ZMAT4: variants seen among roughly 807,000 people sequenced by gnomAD.
ZMAT4 encodes zinc finger matrin-type 4, also known as zinc finger matrin-type protein 4.
Under a neutral mutation model 28.7 loss-of-function variants are expected in ZMAT4, and 17 were observed. The observed-to-expected ratio is 0.59, with a 90% CI of 0.41 to 0.89. ZMAT4 has a LOEUF of 0.89. ZMAT4 is among the 40% of genes least tolerant of loss of function. ZMAT4 has a pLI of 0.00. For synonymous variants in ZMAT4, 117 were observed against 109.2 expected (o/e 1.07, Z -0.44); for missense variants, 240 against 283.8 (o/e 0.85, Z 1.11).
intron 3 of ZMAT4, among the ~76,000 whole-genome samples, chr8:40,705,722 G>T (rs1047986203): frequency 6.6e-6 from 1 of 152,090 alleles, no homozygotes; most frequent in African/African-American, 2.4e-5. Context: ...AATAATTTTT[G>T]TGGCAAGAGC....
chr8:40,547,071 G>A (rs189410564), intron 6 of ZMAT4, among the ~76,000 whole-genome samples: 112 of 152,270 alleles, frequency 7.4e-4, no homozygotes, highest in Admixed American at 7.8e-4. Flanking sequence ...CTCCCATTTC[G>A]GAATGGCAAA....
chr8:40,681,180 A>G (rs1220999550), intron 4 of ZMAT4, among the ~76,000 whole-genome samples: 1 of 152,208 alleles, frequency 6.6e-6, no homozygotes, highest in Non-Finnish European at 1.5e-5. Context: ...GGACTCTAAG[A>G]CCAGCCCCAT....
chr8:40,729,985 C>A (rs986497115), intron 3 of ZMAT4, among the ~76,000 whole-genome samples: 1 of 152,072 alleles, frequency 6.6e-6, no homozygotes, highest in Non-Finnish European at 1.5e-5. Context: ...ATTTGAGTAA[C>A]CATAATTATG....
intron 1 of ZMAT4, among the ~76,000 whole-genome samples, chr8:40,833,033 T>A (rs1816343800): frequency 6.6e-6 from 1 of 152,154 alleles, no homozygotes. Context: ...GAAAAAACTC[T>A]TTGCTCTCTA....
chr8:40,829,259 A>G (rs1816187967), intron 1 of ZMAT4, among the ~76,000 whole-genome samples: 6 of 152,214 alleles, frequency 3.9e-5, no homozygotes, highest in Admixed American at 2.0e-4. Context: ...AGCACATTGC[A>G]AAGGCACATT....
At chr8:40,667,436 G>A (rs950098870) in intron 5 of ZMAT4, among the ~76,000 whole-genome samples, 3 of 152,252 alleles carry the variant, frequency 2.0e-5, no homozygotes, top group African/African-American at 7.2e-5. Flanking sequence ...TTACAGGTGT[G>A]AGCCACCGTG....
chr8:40,844,120 CAGG>C (rs1436021632), intron 1 of ZMAT4, among the ~76,000 whole-genome samples: 1 of 152,100 alleles, frequency 6.6e-6, no homozygotes, highest in African/African-American at 2.4e-5. Flanking sequence ...TGAAGAGTGA[CAGG>C]AGAAGAGAAT....
intron 4 of ZMAT4, among the ~76,000 whole-genome samples, chr8:40,691,102 T>A (rs1255893863): frequency 1.3e-5 from 2 of 152,200 alleles, no homozygotes; most frequent in African/African-American, 2.4e-5. Context: ...AGGGTTAGGT[T>A]CCTAGGAACT....
At chr8:40,870,532 G>C (rs1318028038) in intron 1 of ZMAT4, among the ~76,000 whole-genome samples, 1 of 152,186 alleles carries the variant, frequency 6.6e-6, no homozygotes, top group Non-Finnish European at 1.5e-5. Flanking sequence ...TTCTAGAAGA[G>C]AAGATTATCC....
chr8:40,771,216 C>CAT (rs1270432510), intron 2 of ZMAT4, among the ~76,000 whole-genome samples: 1 of 150,284 alleles, frequency 6.7e-6, no homozygotes, highest in Admixed American at 6.7e-5. Flanking sequence ...TATATATATA[C>CAT]ATATATATGT....
intron 1 of ZMAT4, among the ~76,000 whole-genome samples, chr8:40,860,907 G>A (rs754287596): frequency 6.6e-6 from 1 of 152,050 alleles, no homozygotes; most frequent in Non-Finnish European, 1.5e-5. Flanking sequence ...ACCCACCATC[G>A]GGAAGGCCAA....
At chr8:40,866,965 C>A in intron 1 of ZMAT4, among the ~76,000 whole-genome samples, 1 of 152,198 alleles carries the variant, frequency 6.6e-6, no homozygotes, top group East Asian at 1.9e-4. Flanking sequence ...TCTGCAAGAG[C>A]TAGACTGGTA....
At position 40,727,040 on chromosome 8, in the gene ZMAT4, C is replaced by G. The variant is rs189141750; in HGVS notation, c.193-29639G>C. ...GGAAGGATACTTTCAAGTACAAGTA[C>G]AAGAAAACCCTAAACCAACTGGCTT... On this transcript the variant is annotated intron_variant, in intron 3 of 6. Coordinates refer to ENST00000297737, the MANE Select transcript of ZMAT4 (RefSeq NM_024645.3). 9.7e-4 allele frequency among the ~76,000 whole-genome samples: 146 copies of G among 150,412 alleles called. 1 individual carries two copies. The highest frequency in any genetic ancestry group is 3.4e-3 in the African/African-American group (137 of 39,762).
At chr8:40,610,359 A>G (rs1327229402) in intron 5 of ZMAT4, among the ~76,000 whole-genome samples, 5 of 152,212 alleles carry the variant, frequency 3.3e-5, no homozygotes, top group African/African-American at 9.6e-5. Context: ...CAAGCATATC[A>G]TGCCTTAGGT....
chr8:40,815,350 A>G (rs1183220914), intron 2 of ZMAT4, among the ~76,000 whole-genome samples: 1 of 152,228 alleles, frequency 6.6e-6, no homozygotes, highest in African/African-American at 2.4e-5. Context: ...AGAAATGTGT[A>G]CACAGCACCC....
At chr8:40,808,149 G>T (rs1261540405) in intron 2 of ZMAT4, among the ~76,000 whole-genome samples, 1 of 152,060 alleles carries the variant, frequency 6.6e-6, no homozygotes, top group East Asian at 1.9e-4. Context: ...TATATAGATT[G>T]AAAAGCAGAC....
chr8:40,828,093 G>A (rs568160397), intron 1 of ZMAT4, among the ~76,000 whole-genome samples: 1 of 152,126 alleles, frequency 6.6e-6, no homozygotes, highest in African/African-American at 2.4e-5. Context: ...TCCGGAGATG[G>A]TCTACATGAG....
chr8:40,715,351 T>C (rs528869844), intron 3 of ZMAT4, among the ~76,000 whole-genome samples: 11 of 151,884 alleles, frequency 7.2e-5, no homozygotes, highest in Non-Finnish European at 1.2e-4. Context: ...GTACCCAGAG[T>C]GAGAGGCAAA....
chr8:40,674,953 G>A, intron 4 of ZMAT4, 22 bp from the exon 5 acceptor site: 1 of 1,593,796 alleles, frequency 6.3e-7, no homozygotes, highest in Non-Finnish European at 8.6e-7. Flanking sequence ...AACAACCAGA[G>A]AACCACAGCC....
Sources: allele counts gnomAD v4.1 joint callset (sites outside exome capture counted in the v4.1 genomes callset), GRCh38; gene constraint gnomAD v4.1.1; transcripts MANE v1.5; gene names NCBI Gene and HGNC (gene_info 2026-07-23, HGNC 2026-07-21).